The following TRIM26 variants were observed in gnomAD, a reference collection of about 807,000 sequenced individuals.
TRIM26 encodes tripartite motif-containing protein 26.
In TRIM26, 16 loss-of-function variants were observed where a neutral mutation model predicts 45.5. That is an observed-to-expected ratio of 0.35 (90% CI 0.24 to 0.53). The LOEUF is 0.53. Ranked by LOEUF, TRIM26 falls within the 20% of genes least tolerant of loss-of-function variation. TRIM26 has a pLI of 0.92. For synonymous variants in TRIM26, 273 were observed against 290.4 expected (o/e 0.94, Z 0.61); for missense variants, 442 against 691.1 (o/e 0.64, Z 4.04).
chr6:30,193,344 G>T (rs758883892), intron 6 of TRIM26, among the ~76,000 whole-genome samples: 1 of 150,428 alleles, frequency 6.6e-6, no homozygotes, highest in Non-Finnish European at 1.5e-5. Flanking sequence ...ATCACGCCCA[G>T]CTAATTTTTG....
chr6:30,210,278 C>T (rs1030915030), intron 1 of TRIM26, among the ~76,000 whole-genome samples: 3 of 151,996 alleles, frequency 2.0e-5, no homozygotes, highest in African/African-American at 7.3e-5. Flanking sequence ...ACCCATCCAG[C>T]CCCAAATCCC....
Position 30,186,680 on chromosome 6 carries a change from T to A in TRIM26, c.938-122A>T. ...ACAAAATTAAAGTTGCATACATTAGTAATATAACTCAACATCCTTAATTTG... is the reference window on the plus strand; with the variant it reads ...ACAAAATTAAAGTTGCATACATTAGAAATATAACTCAACATCCTTAATTTG... On this transcript the variant is annotated intron_variant, in intron 9 of 9. Coordinates refer to ENST00000454678, the MANE Select transcript of TRIM26 (RefSeq NM_003449.5). This position sits in a 1 kb window ranked among gnomAD's most constrained non-coding sequence, Gnocchi z 7.4. The A allele has an allele frequency of 8.0e-7, 1 of 1,250,142 alleles. No homozygotes were observed. The highest frequency in any genetic ancestry group is 1.1e-6 in the Non-Finnish European group (1 of 930,638). The allele number at this position is 1,250,142 out of a possible 1,614,324, so 77.4% of individuals were successfully genotyped here.
Position 30,207,010 on chromosome 6 carries a change from C to G in TRIM26, c.-375-2245G>C, listed in dbSNP as rs1777793484. ...CACTTTGGTGCCTGGAAAATGAACT[C>G]TTCCCTGCCCATATGGAGTGCTGTG... On this transcript the variant is annotated intron_variant, in intron 1 of 9. Coordinates refer to ENST00000454678, the MANE Select transcript of TRIM26 (RefSeq NM_003449.5). The surrounding 1 kb of genome is among the most constrained non-coding windows in gnomAD (Gnocchi z 4.9). 6.6e-6 allele frequency among the ~76,000 whole-genome samples: 1 copy of G among 152,200 alleles called. No homozygotes were observed. The highest frequency in any genetic ancestry group is 1.5e-5 in the Non-Finnish European group (1 of 68,034).
At position 30,211,474 on chromosome 6, in the gene TRIM26, G is replaced by A. The variant is rs149104947; in HGVS notation, c.-376+1831C>T. On this transcript the variant is annotated intron_variant, in intron 1 of 9. Transcript: ENST00000454678. ...TACAGACCATGGACTCTCTTCGGGG[G>A]TTTGCAGTGTCTTCTGTGGTGGTCA... is the stretch of plus-strand genomic sequence containing the variant. Among the ~76,000 whole-genome samples, 518 of 152,264 alleles carry A rather than the reference G, an allele frequency of 3.4e-3. 3 individuals are homozygous for A. The highest frequency in any genetic ancestry group is 0.024 in the Middle Eastern group (7 of 294).
At chr6:30,212,915 C>CAAAA (rs3059548) in intron 1 of TRIM26, among the ~76,000 whole-genome samples, 85 of 130,030 alleles carry the variant, frequency 6.5e-4, no homozygotes, top group Non-Finnish European at 8.7e-4. Flanking sequence ...TTACTCCGAA[C>CAAAA]AAAAAAAAAA....
At chr6:30,197,164 A>T (rs1278543602) in intron 5 of TRIM26, among the ~76,000 whole-genome samples, 1 of 152,070 alleles carries the variant, frequency 6.6e-6, no homozygotes, top group Non-Finnish European at 1.5e-5. Context: ...TCTCTTCAGC[A>T]CCCCACTGTT....
Position 30,185,855 on chromosome 6 carries a change from G to T in TRIM26, c.*21C>A, listed in dbSNP as rs1401210054. The T allele has an allele frequency of 6.3e-7, 1 of 1,595,676 alleles. No homozygotes were observed. The highest frequency in any genetic ancestry group is 1.1e-5 in the South Asian group (1 of 88,666). On this transcript the variant is annotated 3_prime_UTR_variant, in exon 10 of 10. Transcript: ENST00000454678. This position sits in a 1 kb window ranked among gnomAD's most constrained non-coding sequence, Gnocchi z 5.7. ...AGAAGTGAAGCATCTGAGGGTTGGG[G>T]CTGGGGGCAGATGTCAGGGCTCAGG...
At position 30,205,599 on chromosome 6, in the gene TRIM26, A is replaced by G. The variant is rs146282749; in HGVS notation, c.-375-834T>C. On this transcript the variant is annotated intron_variant, in intron 1 of 9. Transcript: ENST00000454678. The stretch of plus-strand genomic sequence containing the variant: ...GTGCCTGTAATTCCAGCACTGTGGG[A>G]GGCTAAGGCAGGAGGACTGCCTGAG... Among the ~76,000 whole-genome samples the G allele has an allele frequency of 4.4e-3, 674 of 152,340 alleles. 2 individuals carry two copies. Among genetic ancestry groups the G allele is most frequent in the African/African-American group, 0.011 (474 of 41,570 alleles).
intron 6 of TRIM26, among the ~76,000 whole-genome samples, chr6:30,194,345 G>T (rs1442740723): frequency 6.6e-6 from 1 of 152,142 alleles, no homozygotes; most frequent in African/African-American, 2.4e-5. Context: ...GGAGAAGTTG[G>T]TTAACAGATA....
Position 30,186,606 on chromosome 6 carries a change from T to A in TRIM26, c.938-48A>T. The A allele has an allele frequency of 6.7e-7, 1 of 1,491,834 alleles. No homozygotes were observed. The highest frequency in any genetic ancestry group is 8.9e-7 in the Non-Finnish European group (1 of 1,125,358). The allele number at this position is 1,491,834 out of a possible 1,614,324, so 92.4% of individuals were successfully genotyped here. The stretch of plus-strand genomic sequence containing the variant: ...AAAAAACAGCATCACTGTTTTGTTT[T>A]GTTTTTTAAGTCAGAGGGAATAAAA... On this transcript the variant is annotated intron_variant, in intron 9 of 9. Transcript: ENST00000454678. This position sits in a 1 kb window ranked among gnomAD's most constrained non-coding sequence, Gnocchi z 7.4.
chr6:30,203,046 CT>C (rs9278610), intron 2 of TRIM26, among the ~76,000 whole-genome samples: 16,222 of 132,152 alleles, frequency 0.12, 794 homozygotes, highest in East Asian at 0.28. Context: ...TCCTCTCTTT[CT>C]TTTTTTTTTT....
At position 30,198,495 on chromosome 6, in the gene TRIM26, T is replaced by C. The variant is rs1436133545; in HGVS notation, c.468A>G (p.Leu156=). 2.5e-6 allele frequency: 4 copies of C among 1,612,914 alleles called. No homozygotes were observed. Among genetic ancestry groups the C allele is most frequent in the South Asian group, 1.1e-5 (1 of 91,086 alleles). The part of the protein sequence containing the change: ...REKILNHLST[L]RRDRDKIQGF... The stretch of plus-strand genomic sequence containing the variant: ...CCTGAATTTTGTCTCTGTCCCTCCT[T>C]AGGGTACTCAGGTGGTTCAGGATTT... Residue 156 remains leucine, a synonymous_variant, in exon 5 of 10, where the codon CTA becomes CTG. Coordinates refer to ENST00000454678, the MANE Select transcript of TRIM26 (RefSeq NM_003449.5). The surrounding 1 kb of genome is among the most constrained non-coding windows in gnomAD (Gnocchi z 6.3).
At position 30,185,752 on chromosome 6, in the gene TRIM26, C is replaced by T; in HGVS notation, c.*124G>A. 9.3e-7 allele frequency: 1 copy of T among 1,070,868 alleles called. No individual in the cohort carries two copies. The highest frequency in any genetic ancestry group is 1.3e-6 in the Non-Finnish European group (1 of 748,896). 66.3% of individuals were successfully genotyped at this position (1,070,868 alleles called of 1,614,324 possible). Reference sequence around the variant, plus strand: ...GGCCACAGCAATGGGGAGGTGGCTACCAGTGGATATGGGGTCCCCTGCTCC... The same window carrying T: ...GGCCACAGCAATGGGGAGGTGGCTATCAGTGGATATGGGGTCCCCTGCTCC... On this transcript the variant is annotated 3_prime_UTR_variant, in exon 10 of 10. Coordinates refer to ENST00000454678, the MANE Select transcript of TRIM26 (RefSeq NM_003449.5). The surrounding 1 kb of genome is among the most constrained non-coding windows in gnomAD (Gnocchi z 5.7).
chr6:30,193,162 G>GTATATATATATATA (rs1554201636), intron 6 of TRIM26, among the ~76,000 whole-genome samples: 1 of 31,996 alleles, frequency 3.1e-5, no homozygotes, highest in African/African-American at 1.7e-4. Context: ...GTGTGTGTGT[G>GTATATATATATATA]TATATATATA....
In TRIM26 at chr6:30,190,199, C is replaced by G; in HGVS notation, c.766-164G>C. The G allele has an allele frequency of 4.1e-6, 3 of 724,334 alleles. No homozygotes were observed. Among genetic ancestry groups the G allele is most frequent in the Non-Finnish European group, 6.9e-6 (3 of 437,156 alleles). The allele number at this position is 724,334 out of a possible 1,614,324, so 44.9% of individuals were successfully genotyped here. ...CCAGTGGGGTCACTGCATAAAACAA[C>G]AAGAAAACAAACAAAATCGGCACAA... On this transcript the variant is annotated intron_variant, in intron 6 of 9. Coordinates refer to ENST00000454678, the MANE Select transcript of TRIM26 (RefSeq NM_003449.5). This position sits in a 1 kb window ranked among gnomAD's most constrained non-coding sequence, Gnocchi z 4.3.
chr6:30,202,614 C>T (rs1252940835), intron 2 of TRIM26, among the ~76,000 whole-genome samples: 1 of 152,212 alleles, frequency 6.6e-6, no homozygotes, highest in Non-Finnish European at 1.5e-5. Context: ...AATCACACAA[C>T]ATTACCTATG....
chr6:30,209,478 T>A lies in TRIM26; in HGVS notation c.-376+3827A>T, dbSNP rs556192840. Among the ~76,000 whole-genome samples, 1 of 152,306 alleles carries A rather than the reference T, an allele frequency of 6.6e-6. No homozygotes were observed. Among genetic ancestry groups the A allele is most frequent in the Non-Finnish European group, 1.5e-5 (1 of 68,014 alleles). On this transcript the variant is annotated intron_variant, in intron 1 of 9. Coordinates refer to ENST00000454678, the MANE Select transcript of TRIM26 (RefSeq NM_003449.5). The surrounding 1 kb of genome is among the most constrained non-coding windows in gnomAD (Gnocchi z 4.8). ...GTCATGAGGGTGTAACTCTCATGAA[T>A]GGATTAATGCCTTTCTTGCAAGAGT...
intron 6 of TRIM26, among the ~76,000 whole-genome samples, chr6:30,193,182 A>ATATATATATATATATTTTTT: frequency 2.6e-5 from 1 of 38,818 alleles, no homozygotes; most frequent in African/African-American, 1.2e-4. Context: ...ATATATATAT[A>ATATATATATATATATTTTTT]TTTTTTTTTT....
chr6:30,193,177 TATATA>T (rs1562200106), intron 6 of TRIM26, among the ~76,000 whole-genome samples: 9 of 62,860 alleles, frequency 1.4e-4, no homozygotes, highest in Admixed American at 4.1e-4. Flanking sequence ...TATATATATA[TATATA>T]TTTTTTTTTT....
Sources: allele counts gnomAD v4.1 joint callset (sites outside exome capture counted in the v4.1 genomes callset), GRCh38; gene constraint gnomAD v4.1.1; non-coding constraint Gnocchi (gnomAD v3.1); transcripts MANE v1.5; gene names NCBI Gene and HGNC (gene_info 2026-07-23, HGNC 2026-07-21).